The following CSMD2 variants were observed in gnomAD, a reference collection of about 807,000 sequenced individuals.
CSMD2 encodes CUB and sushi domain-containing protein 2.
Under a neutral mutation model 398.5 loss-of-function variants are expected in CSMD2, and 130 were observed. That is an observed-to-expected ratio of 0.33 (90% CI 0.28 to 0.38). The LOEUF (loss-of-function observed/expected upper bound fraction) is 0.38, where lower values mean the gene tolerates loss of function less well. Ranked by LOEUF, CSMD2 falls within the 10% of genes least tolerant of loss-of-function variation. The probability of loss-of-function intolerance (pLI) is 1.00; values close to 1 mark genes in which losing one functional copy is unlikely to be tolerated. For synonymous variants in CSMD2, 1,828 were observed against 1,908.5 expected (o/e 0.96, Z 1.10); for missense variants, 3,829 against 4,764.9 (o/e 0.80, Z 5.78).
chr1:33,947,792 G>A (rs115595382), intron 3 of CSMD2, among the ~76,000 whole-genome samples: 2,293 of 152,246 alleles, frequency 0.015, 53 homozygotes, highest in African/African-American at 0.051. Flanking sequence ...AAGCACCATC[G>A]CTTACGGACC....
rs56072818 is a variant in CSMD2 at position 33,544,831 on chromosome 1, T to TTATATATATATATATATA, written c.9100+1188_9100+1205dup. On this transcript the variant is annotated intron_variant, in intron 57 of 70. Coordinates refer to ENST00000373381, the MANE Select transcript of CSMD2 (RefSeq NM_001281956.2). ...ATGCCCTGACTTGACCACTGTGCAT[T>TTATATATATATATATATA]TATATATATATATATATATATATAC... is the stretch of plus-strand genomic sequence containing the variant. Among the ~76,000 whole-genome samples the TTATATATATATATATATA allele has an allele frequency of 7.3e-3, 1,030 of 141,752 alleles. 6 individuals are homozygous for TTATATATATATATATATA. The highest frequency in any genetic ancestry group is 9.0e-3 in the Non-Finnish European group (591 of 65,484). The allele number at this position is 141,752 out of a possible 152,430, so 93.0% of individuals were successfully genotyped here.
intron 21 of CSMD2, 36 bp downstream of exon 21, chr1:33,714,551 A>C (rs1481504646): frequency 1.2e-6 from 2 of 1,606,646 alleles, no homozygotes; most frequent in African/African-American, 2.7e-5. Context: ...GTCCCACCCC[A>C]TTAGTGAAGC....
At chr1:33,885,002 A>C (rs1016250997) in intron 5 of CSMD2, 6 of 152,204 alleles carry the variant, frequency 3.9e-5, no homozygotes, top group Admixed American at 3.9e-4. Context: ...CAACTGTTAT[A>C]ATTATTGCCA....
At chr1:34,165,254 G>A, upstream of CSMD2, 4 of 1,184,140 alleles carry the variant, frequency 3.4e-6, no homozygotes, top group African/African-American at 1.6e-5. Flanking sequence ...GCCCGGCCGG[G>A]GAGAGGCGCG....
chr1:33,945,680 GC>G (rs1644817688), intron 3 of CSMD2, among the ~76,000 whole-genome samples: 1 of 152,112 alleles, frequency 6.6e-6, no homozygotes, highest in African/African-American at 2.4e-5. Flanking sequence ...AACACGTGCT[GC>G]CCCTGTTTCA....
chr1:33,577,759 G>C (rs1270543784), intron 48 of CSMD2, among the ~76,000 whole-genome samples: 1 of 152,078 alleles, frequency 6.6e-6, no homozygotes, highest in Non-Finnish European at 1.5e-5. Context: ...AGGTAGATCT[G>C]GTGTATGGCT....
chr1:33,586,122 C>T (rs1639067812), intron 46 of CSMD2, among the ~76,000 whole-genome samples: 1 of 152,214 alleles, frequency 6.6e-6, no homozygotes, highest in South Asian at 2.1e-4. Flanking sequence ...GCACACAGCA[C>T]CTTGAGTGCA....
chr1:34,072,764 C>A (rs1462384671), intron 2 of CSMD2, among the ~76,000 whole-genome samples: 1 of 152,174 alleles, frequency 6.6e-6, no homozygotes, highest in Non-Finnish European at 1.5e-5. Context: ...CCCGACACTG[C>A]TGCCCACCTG....
intron 3 of CSMD2, among the ~76,000 whole-genome samples, chr1:34,020,568 G>C (rs1435956951): frequency 6.6e-6 from 1 of 152,148 alleles, no homozygotes; most frequent in Non-Finnish European, 1.5e-5. Context: ...TGGGGTAGGG[G>C]TAGGCGAGTG....
intron 5 of CSMD2, chr1:33,864,094 C>T: frequency 8.3e-7 from 1 of 1,208,140 alleles, no homozygotes; most frequent in Non-Finnish European, 1.2e-6. Context: ...GAAAAATTCG[C>T]TGCAAGTACA....
rs75894264 is a variant in CSMD2 at position 33,798,492 on chromosome 1, G to A, written c.1447-5966C>T. 6.9e-3 allele frequency among the ~76,000 whole-genome samples: 1,045 copies of A among 152,284 alleles called. 7 individuals carry two copies. Among genetic ancestry groups the A allele is most frequent in the African/African-American group, 0.024 (1,000 of 41,552 alleles). ...GGGGTCCATAGAGGAGGTGGGTCTG[G>A]GCCTGGCGGGATGGAGAAGGGTGTG... On this transcript the variant is annotated intron_variant, in intron 10 of 70. Coordinates refer to ENST00000373381, the MANE Select transcript of CSMD2 (RefSeq NM_001281956.2).
At chr1:33,673,372 C>T (rs930735804) in intron 25 of CSMD2, among the ~76,000 whole-genome samples, 8 of 151,610 alleles carry the variant, frequency 5.3e-5, no homozygotes, top group South Asian at 4.2e-4. Context: ...CGATGGAAGA[C>T]GAAATGAATG....
Position 33,518,387 on chromosome 1 carries a change from G to C in CSMD2, c.*53+1078C>G, listed in dbSNP as rs866978630. On this transcript the variant is annotated intron_variant, in intron 70 of 70. Coordinates refer to ENST00000373381, the MANE Select transcript of CSMD2 (RefSeq NM_001281956.2). The surrounding 1 kb of genome is among the most constrained non-coding windows in gnomAD (Gnocchi z 4.3). ...GATGCATGCCTGTGTGCATGTATGC[G>C]TATGTGTGTGTGTGTGTGTGCATGA... 1.4e-5 allele frequency among the ~76,000 whole-genome samples: 1 copy of C among 73,122 alleles called. No individual in the cohort carries two copies. The highest frequency in any genetic ancestry group is 2.8e-5 in the Non-Finnish European group (1 of 35,850). The allele number at this position is 73,122 out of a possible 152,430, so 48.0% of individuals were successfully genotyped here.
intron 15 of CSMD2, among the ~76,000 whole-genome samples, chr1:33,733,248 C>A (rs1416166825): frequency 6.6e-6 from 1 of 152,200 alleles, no homozygotes; most frequent in Non-Finnish European, 1.5e-5. Context: ...GCCTCCTACT[C>A]TCTAGCTCTG....
At chr1:33,892,240 T>C (rs1269777145) in intron 5 of CSMD2, among the ~76,000 whole-genome samples, 3 of 151,984 alleles carry the variant, frequency 2.0e-5, no homozygotes, top group Admixed American at 2.0e-4. Context: ...ATGTCAGACA[T>C]ATTTAATTTC....
chr1:33,603,106 C>G (rs1278804761), intron 42 of CSMD2, among the ~76,000 whole-genome samples: 1 of 152,054 alleles, frequency 6.6e-6, no homozygotes, highest in Non-Finnish European at 1.5e-5. Context: ...GTCTCCATTT[C>G]CTCACCTGTA....
chr1:34,060,690 G>GT (rs1654396288), intron 2 of CSMD2, among the ~76,000 whole-genome samples: 1 of 142,874 alleles, frequency 7.0e-6, no homozygotes, highest in African/African-American at 2.6e-5. Context: ...TTTGTATTTT[G>GT]TAAGAATCTA....
At chr1:33,918,607 G>C (rs564886108) in intron 4 of CSMD2, among the ~76,000 whole-genome samples, 13 of 152,272 alleles carry the variant, frequency 8.5e-5, no homozygotes, top group African/African-American at 2.6e-4. Context: ...AACGTGCAAG[G>C]CATGTCTAAG....
At chr1:33,623,225 G>A (rs1398771698) in intron 36 of CSMD2, 145 bp downstream of exon 36, 7 of 647,858 alleles carry the variant, frequency 1.1e-5, no homozygotes, top group Non-Finnish European at 1.6e-5. Flanking sequence ...CGAATCTCCT[G>A]AAAACCACTG....
Sources: gnomAD v4.1 joint callset for allele counts (sites outside exome capture counted in the v4.1 genomes callset) on GRCh38, gnomAD v4.1.1 for gene constraint, Gnocchi (gnomAD v3.1) non-coding constraint, MANE v1.5 for transcripts, NCBI Gene and HGNC (gene_info 2026-07-23, HGNC 2026-07-21) for gene names.